TTLL4: variants seen among roughly 807,000 people sequenced by gnomAD.
The protein encoded by TTLL4 is tubulin tyrosine ligase like 4.
In TTLL4, 85 loss-of-function variants were observed where a neutral mutation model predicts 122.7. The ratio of observed to expected loss-of-function variants is 0.69; its 90% confidence interval spans 0.58 to 0.83. TTLL4 has a LOEUF of 0.83. Ranked by LOEUF, TTLL4 falls within the 40% of genes least tolerant of loss-of-function variation. The pLI is 0.00. For missense variants in TTLL4, 1,363 were observed against 1,488.6 expected (o/e 0.92, Z 1.39); for synonymous variants, 553 against 563.0 (o/e 0.98, Z 0.25).
chr2:218,753,455 G>A (rs1342887132), intron 18 of TTLL4, 129 bp from the exon 19 acceptor site: 1 of 992,894 alleles, frequency 1.0e-6, no homozygotes, highest in Non-Finnish European at 1.6e-6. Context: ...CTGGGCCCAT[G>A]CCTGAGGGGT....
In TTLL4 at chr2:218,745,749, C is replaced by T. The variant is rs1185963140; in HGVS notation, c.1845C>T (p.Thr615=). The T allele has an allele frequency of 1.2e-6, 2 of 1,613,664 alleles. No homozygotes were observed. The highest frequency in any genetic ancestry group is 2.2e-5 in the South Asian group (2 of 90,970). The change falls in exon 7 of 20, where the codon ACC becomes ACT. Residue 615 remains threonine, a synonymous_variant. Coordinates refer to ENST00000392102, the MANE Select transcript of TTLL4 (RefSeq NM_014640.5). ...KLLRWKMSTV[T]PNIVKQTIGR... is the part of the protein sequence containing the mutation. ...TCCGATGGAAGATGAGCACAGTGAC[C>T]CCCAACATTGTCAAGCAGACCATTG...
chr2:218,714,118 GGA>G (rs1192741162), intron 1 of TTLL4, among the ~76,000 whole-genome samples: 1 of 152,164 alleles, frequency 6.6e-6, no homozygotes, highest in African/African-American at 2.4e-5. Flanking sequence ...GATTGCTCTG[GGA>G]GAGAGGTAAT....
At chr2:218,728,974 C>T (rs548551543) in intron 2 of TTLL4, among the ~76,000 whole-genome samples, 6 of 146,184 alleles carry the variant, frequency 4.1e-5, no homozygotes, top group Non-Finnish European at 7.4e-5. Flanking sequence ...TTCTTGTTGC[C>T]CAGGCTGGAA....
At chr2:218,744,651 T>C (rs1299055543) in intron 5 of TTLL4, among the ~76,000 whole-genome samples, 1 of 152,236 alleles carries the variant, frequency 6.6e-6, no homozygotes, top group South Asian at 2.1e-4. Context: ...TATTGCTTTT[T>C]CCCCTTTTTT....
intron 5 of TTLL4, among the ~76,000 whole-genome samples, chr2:218,742,645 G>GT (rs1161945533): frequency 6.6e-6 from 1 of 152,166 alleles, no homozygotes; most frequent in South Asian, 2.1e-4. Context: ...ACTCACAAGG[G>GT]TTTTTTGTTT....
Position 218,754,480 on chromosome 2 carries a change from A to G in TTLL4, c.*91A>G. 6.7e-7 allele frequency: 1 copy of G among 1,494,814 alleles called. No homozygotes were observed. Among genetic ancestry groups the G allele is most frequent in the South Asian group, 1.3e-5 (1 of 79,372 alleles). The allele number at this position is 1,494,814 out of a possible 1,614,324, so 92.6% of individuals were successfully genotyped here. A position where few individuals can be genotyped will look rare whatever the true frequency, so the allele number is the denominator to read the frequency against. ...GCTGTTCAGACCAGTCTGACCCCCT[A>G]CCCCTTTCACCCTGTCCCTCCTCAG... On this transcript the variant is annotated 3_prime_UTR_variant, in exon 20 of 20. Coordinates refer to ENST00000392102, the MANE Select transcript of TTLL4 (RefSeq NM_014640.5).
intron 15 of TTLL4, among the ~76,000 whole-genome samples, 153 bp downstream of exon 15, chr2:218,750,299 A>G (rs973074411): frequency 1.3e-5 from 2 of 152,146 alleles, no homozygotes; most frequent in African/African-American, 2.4e-5. Context: ...ACCATGCCAC[A>G]TCAGTGACTC....
intron 1 of TTLL4, among the ~76,000 whole-genome samples, chr2:218,719,333 G>A (rs1941964575): frequency 6.6e-6 from 1 of 152,164 alleles, no homozygotes; most frequent in African/African-American, 2.4e-5. Context: ...AGTGGTGTGA[G>A]ATAGCCTTGG....
At chr2:218,711,586 A>G (rs573840718) in intron 1 of TTLL4, among the ~76,000 whole-genome samples, 3 of 152,344 alleles carry the variant, frequency 2.0e-5, no homozygotes, top group East Asian at 3.9e-4. Flanking sequence ...AAACATTGAC[A>G]AATATTTAAT....
intron 1 of TTLL4, among the ~76,000 whole-genome samples, chr2:218,726,734 T>G (rs1290656439): frequency 1.3e-5 from 2 of 152,144 alleles, no homozygotes; most frequent in Non-Finnish European, 2.9e-5. Context: ...CCCAAAGTGC[T>G]GGGATTATAG....
At chr2:218,750,898 A>G (rs970265239) in intron 15 of TTLL4, among the ~76,000 whole-genome samples, 18 of 151,830 alleles carry the variant, frequency 1.2e-4, no homozygotes, top group Non-Finnish European at 5.9e-5. Context: ...ACCACAAAGC[A>G]TTGGGAACCA....
chr2:218,753,108 G>A lies in TTLL4; in HGVS notation c.3188-7G>A, dbSNP rs1471094037. ...TTAAACCCCAACTCCTGCTAATCTT[G>A]TCCTAGGAGTAGATCTGCTCCGGAG... On this transcript the variant is annotated splice_polypyrimidine_tract_variant and splice_region_variant and intron_variant, in intron 17 of 19. Transcript: ENST00000392102. 1 of 1,614,034 alleles carries A rather than the reference G, an allele frequency of 6.2e-7. No homozygotes were observed. Among genetic ancestry groups the A allele is most frequent in the Non-Finnish European group, 8.5e-7 (1 of 1,180,022 alleles).
intron 4 of TTLL4, 108 bp from the exon 5 acceptor site, chr2:218,740,413 C>A: frequency 8.0e-7 from 1 of 1,246,376 alleles, no homozygotes; most frequent in Admixed American, 1.8e-5. Context: ...GCTTGTGGCT[C>A]CCCAAGAAGG....
intron 1 of TTLL4, among the ~76,000 whole-genome samples, chr2:218,713,046 C>A (rs140588769): frequency 8.8e-4 from 134 of 152,072 alleles, no homozygotes; most frequent in Non-Finnish European, 1.2e-3. Context: ...AAAGAGATTT[C>A]TTTTAGTTCA....
At chr2:218,745,468 C>A in intron 6 of TTLL4, 1 of 642,298 alleles carries the variant, frequency 1.6e-6, no homozygotes. Flanking sequence ...GCTCTTCAAC[C>A]TTGTTGCTTT....
intron 1 of TTLL4, among the ~76,000 whole-genome samples, chr2:218,726,780 T>A (rs780495683): frequency 2.0e-5 from 3 of 151,080 alleles, no homozygotes; most frequent in Non-Finnish European, 1.5e-5. Flanking sequence ...TTTGTGAAAT[T>A]TCTTATAGAC....
At chr2:218,748,326 A>G in intron 12 of TTLL4, 99 bp downstream of exon 12, 3 of 1,512,476 alleles carry the variant, frequency 2.0e-6, no homozygotes, top group Non-Finnish European at 2.7e-6. Flanking sequence ...GAGGATTAAT[A>G]TAAGACCCAG....
At chr2:218,746,275 A>C in intron 8 of TTLL4, 44 bp downstream of exon 8, 1 of 1,596,682 alleles carries the variant, frequency 6.3e-7, no homozygotes, top group Non-Finnish European at 8.6e-7. Flanking sequence ...ACTTTGGACT[A>C]GGCCAAGAGG....
At chr2:218,722,220 G>A (rs1942063369) in intron 1 of TTLL4, among the ~76,000 whole-genome samples, 1 of 152,084 alleles carries the variant, frequency 6.6e-6, no homozygotes, top group African/African-American at 2.4e-5. Context: ...GTCAAACCTT[G>A]GTGACCAAGT....
Sources: gnomAD v4.1 joint callset for allele counts (sites outside exome capture counted in the v4.1 genomes callset) on GRCh38, gnomAD v4.1.1 for gene constraint, MANE v1.5 for transcripts, NCBI Gene and HGNC (gene_info 2026-07-23, HGNC 2026-07-21) for gene names.